FLI1: variants seen among roughly 807,000 people sequenced by gnomAD.
The protein encoded by FLI1 is Friend leukemia integration 1 transcription factor.
In FLI1, 13 loss-of-function variants were observed where a neutral mutation model predicts 53.1. That is an observed-to-expected ratio of 0.24 (90% confidence interval 0.16 to 0.39). The LOEUF (loss-of-function observed/expected upper bound fraction) is 0.39, where lower values mean the gene tolerates loss of function less well. FLI1 is among the 10% of genes least tolerant of loss of function. FLI1 has a pLI of 1.00. For missense variants in FLI1, 424 were observed against 600.5 expected (o/e 0.71, Z 3.07); for synonymous variants, 244 against 236.7 (o/e 1.03, Z -0.28).
At chr11:128,732,613 G>A (rs1258569551) in intron 1 of FLI1, among the ~76,000 whole-genome samples, 2 of 152,192 alleles carry the variant, frequency 1.3e-5, no homozygotes, top group African/African-American at 2.4e-5. Flanking sequence ...TGAGAAAGAC[G>A]TTAAGGCCGG....
intron 5 of FLI1, among the ~76,000 whole-genome samples, chr11:128,793,844 G>C (rs548090066): frequency 6.6e-6 from 1 of 152,302 alleles, no homozygotes; most frequent in East Asian, 1.9e-4. Flanking sequence ...CTGGTGCCAG[G>C]CTGTGGGACT....
chr11:128,784,338 T>C (rs1224946137), intron 5 of FLI1, among the ~76,000 whole-genome samples: 1 of 151,536 alleles, frequency 6.6e-6, no homozygotes, highest in Non-Finnish European at 1.5e-5. Context: ...CCTTTTGTGT[T>C]TAGGGAGGAC....
intron 5 of FLI1, among the ~76,000 whole-genome samples, chr11:128,787,167 A>G (rs1942113512): frequency 6.6e-6 from 1 of 152,232 alleles, no homozygotes; most frequent in Non-Finnish European, 1.5e-5. Flanking sequence ...CCTAGGTGGC[A>G]GGAGCCATGC....
upstream of FLI1, chr11:128,693,506 C>T (rs59646850): frequency 2.8e-3 from 504 of 177,696 alleles, 3 homozygotes; most frequent in African/African-American, 0.011. Context: ...GCCAACTCTC[C>T]CTCCATACCC....
chr11:128,809,113 T>G, intron 7 of FLI1, 44 bp from the exon 8 acceptor site: 2 of 1,554,052 alleles, frequency 1.3e-6, no homozygotes, highest in Non-Finnish European at 1.8e-6. Context: ...GGTTGTCATA[T>G]TTTTTAAAAA....
At chr11:128,768,883 A>G (rs1941451550) in intron 3 of FLI1, among the ~76,000 whole-genome samples, 1 of 152,058 alleles carries the variant, frequency 6.6e-6, no homozygotes, top group Non-Finnish European at 1.5e-5. Context: ...GGCCGCCTCC[A>G]CCCAAAAGGA....
At position 128,810,933 on chromosome 11, in the gene FLI1, A is replaced by G. The variant is rs1223565660; in HGVS notation, c.1304A>G (p.Asn435Ser). 7.4e-6 allele frequency: 12 copies of G among 1,613,820 alleles called. No individual in the cohort carries two copies. In the South Asian group the frequency reaches 7.7e-5, roughly 10 times the overall value. Reference protein sequence around the residue: ...SPTGGIYPNPNVPRHPNTHVP... With the variant: ...SPTGGIYPNPSVPRHPNTHVP... ...ACGGGGGGAATCTACCCCAACCCCA[A>G]CGTCCCCCGCCATCCTAACACCCAC... is the stretch of plus-strand genomic sequence containing the variant. The change falls in exon 9 of 9, where the codon AAC (asparagine) becomes AGC (serine). Residue 435 changes from asparagine (N) to serine (S), a missense_variant. Transcript: ENST00000527786. This position sits in a 1 kb window ranked among gnomAD's most constrained non-coding sequence, Gnocchi z 6.6.
intron 1 of FLI1, among the ~76,000 whole-genome samples, chr11:128,714,820 T>C (rs961063878): frequency 6.7e-6 from 1 of 149,170 alleles, no homozygotes; most frequent in Non-Finnish European, 1.5e-5. Context: ...GCAATTCTCC[T>C]GCCTCAGCCT....
intron 1 of FLI1, among the ~76,000 whole-genome samples, chr11:128,705,017 T>G (rs969640381): frequency 4.6e-5 from 7 of 152,198 alleles, no homozygotes; most frequent in Non-Finnish European, 7.3e-5. Context: ...GTCATACAGG[T>G]AGAAAATAGA....
At chr11:128,731,124 T>G (rs931447568) in intron 1 of FLI1, among the ~76,000 whole-genome samples, 3 of 152,246 alleles carry the variant, frequency 2.0e-5, no homozygotes, top group Non-Finnish European at 4.4e-5. Context: ...ATATAGACGC[T>G]TGGCCGTTTC....
chr11:128,734,438 G>A (rs1939833664), intron 1 of FLI1, among the ~76,000 whole-genome samples: 1 of 152,216 alleles, frequency 6.6e-6, no homozygotes. Flanking sequence ...ATATTGTATA[G>A]GAACATAATT....
intron 1 of FLI1, among the ~76,000 whole-genome samples, chr11:128,755,002 G>A (rs897030006): frequency 2.6e-5 from 4 of 152,074 alleles, no homozygotes; most frequent in Non-Finnish European, 5.9e-5. Flanking sequence ...TTCTAGCTGT[G>A]TACCACTCAC....
chr11:128,707,103 C>T (rs979682378), intron 1 of FLI1, among the ~76,000 whole-genome samples: 2 of 152,104 alleles, frequency 1.3e-5, no homozygotes, highest in African/African-American at 2.4e-5. Context: ...CCTGCTTGGG[C>T]GATAGCAAAG....
Position 128,772,969 on chromosome 11 carries a change from C to T in FLI1, c.573C>T (p.Leu191=), listed in dbSNP as rs1408294515. ...ACACGGAAGTGCTGTTGTCACACCTCAGTTACCTCAGGGAAAGTAAGTGCC... is the reference window on the plus strand; with the variant it reads ...ACACGGAAGTGCTGTTGTCACACCTTAGTTACCTCAGGGAAAGTAAGTGCC... ...LYNTEVLLSH[L]SYLRESSLLA... The change falls in exon 4 of 9, where the codon CTC becomes CTT. Residue 191 remains leucine (L), a synonymous_variant. Transcript: ENST00000527786. The T allele has an allele frequency of 3.7e-6, 6 of 1,613,696 alleles. No homozygotes were observed. Among genetic ancestry groups the T allele is most frequent in the Non-Finnish European group, 5.1e-6 (6 of 1,179,886 alleles).
At chr11:128,723,570 T>TG (rs1939345851) in intron 1 of FLI1, among the ~76,000 whole-genome samples, 1 of 152,136 alleles carries the variant, frequency 6.6e-6, no homozygotes, top group South Asian at 2.1e-4. Flanking sequence ...CAGTGACATA[T>TG]GGGAAAGAAA....
Position 128,806,917 on chromosome 11 carries a change from A to C in FLI1, c.722-263A>C, listed in dbSNP as rs1942796374. 8.8e-6 allele frequency: 3 copies of C among 342,316 alleles called. No individual in the cohort carries two copies. In the East Asian group the frequency reaches 1.3e-4, roughly 15 times the overall value. The allele number at this position is 342,316 out of a possible 1,614,324, so 21.2% of individuals were successfully genotyped here. A position where few individuals can be genotyped will look rare whatever the true frequency, so the allele number is the denominator to read the frequency against. On this transcript the variant is annotated intron_variant, in intron 6 of 8. Coordinates refer to ENST00000527786, the MANE Select transcript of FLI1 (RefSeq NM_002017.5). Reference sequence around the variant, plus strand: ...ACATTTAAGCAAAGACAAAATTTTAAGAATTTAAAAATGTGTTTATTATTG... The same window carrying C: ...ACATTTAAGCAAAGACAAAATTTTACGAATTTAAAAATGTGTTTATTATTG...
At chr11:128,762,363 T>C (rs640060) in intron 2 of FLI1, among the ~76,000 whole-genome samples, 57,775 of 152,030 alleles carry the variant, frequency 0.38, 11,268 homozygotes, top group East Asian at 0.63. Flanking sequence ...AAATTTGAGA[T>C]TGCTTGGCTC....
chr11:128,700,609 C>T (rs912851301), intron 1 of FLI1, among the ~76,000 whole-genome samples: 2 of 152,162 alleles, frequency 1.3e-5, no homozygotes, highest in Admixed American at 6.5e-5. Context: ...TATGGTGGCT[C>T]ATGCCTGTAA....
chr11:128,719,566 A>T (rs1939169752), intron 1 of FLI1, among the ~76,000 whole-genome samples: 1 of 152,158 alleles, frequency 6.6e-6, no homozygotes, highest in Admixed American at 6.5e-5. Flanking sequence ...TCTAAGCTCT[A>T]AGGACTGGCA....
Sources: gnomAD v4.1 joint callset for allele counts (sites outside exome capture counted in the v4.1 genomes callset) on GRCh38, gnomAD v4.1.1 for gene constraint, Gnocchi (gnomAD v3.1) non-coding constraint, MANE v1.5 for transcripts, NCBI Gene and HGNC (gene_info 2026-07-23, HGNC 2026-07-21) for gene names.